CMTM4: variants seen among roughly 807,000 people sequenced by gnomAD.
The protein encoded by CMTM4 is CKLF-like MARVEL transmembrane domain-containing protein 4.
CMTM4 carries 8 observed loss-of-function variants against 19.0 expected under a neutral mutation model. The ratio of observed to expected loss-of-function variants is 0.42; its 90% CI spans 0.25 to 0.76. The LOEUF is 0.76. CMTM4 is among the 30% of genes least tolerant of loss of function. The pLI, the probability that CMTM4 is intolerant of heterozygous loss-of-function variation, is 0.27. For missense variants in CMTM4, 228 were observed against 290.2 expected (o/e 0.79, Z 1.56); for synonymous variants, 106 against 121.1 (o/e 0.88, Z 0.82).
chr16:66,600,554 G>C, the CMTM4 span, among the ~76,000 whole-genome samples: 1 of 151,990 alleles, frequency 6.6e-6, no homozygotes, highest in Admixed American at 6.6e-5. Context: ...CCAGGTTCTG[G>C]TCCTCCCAGT....
chr16:66,606,748 T>A, the CMTM4 span, among the ~76,000 whole-genome samples: 1 of 152,112 alleles, frequency 6.6e-6, no homozygotes, highest in African/African-American at 2.4e-5. Context: ...ATCCCAACAC[T>A]TTAGGAGGCC....
At chr16:66,659,285 G>C (rs1010831095) in intron 1 of CMTM4, among the ~76,000 whole-genome samples, 21 of 151,754 alleles carry the variant, frequency 1.4e-4, no homozygotes, top group African/African-American at 4.6e-4. Flanking sequence ...TGAGGCACAA[G>C]AATCACTTGA....
Position 66,627,127 on chromosome 16 carries a change from T to C in CMTM4, c.364-3625A>G, listed in dbSNP as rs762909905. 8.0e-4 allele frequency among the ~76,000 whole-genome samples: 122 copies of C among 152,076 alleles called. 1 individual carries two copies. Among genetic ancestry groups the C allele is most frequent in the Non-Finnish European group, 1.6e-4 (11 of 67,966 alleles). On this transcript the variant is annotated intron_variant, in intron 2 of 3. Coordinates refer to ENST00000394106, the MANE Select transcript of CMTM4 (RefSeq NM_181521.3). ...CAAAAAAATAAATAAATAAATGATATAAGGCAAAAAGGTCTAAGTATAAGG... is the reference window on the plus strand; with the variant it reads ...CAAAAAAATAAATAAATAAATGATACAAGGCAAAAAGGTCTAAGTATAAGG...
At chr16:66,690,882 G>A (rs1046335524) in intron 1 of CMTM4, among the ~76,000 whole-genome samples, 1 of 152,060 alleles carries the variant, frequency 6.6e-6, no homozygotes, top group Non-Finnish European at 1.5e-5. Flanking sequence ...CAAAACAGCA[G>A]GATTGCTTGA....
At chr16:66,647,516 T>C (rs1207766758) in intron 1 of CMTM4, among the ~76,000 whole-genome samples, 5 of 152,022 alleles carry the variant, frequency 3.3e-5, no homozygotes, top group Non-Finnish European at 5.9e-5. Context: ...GAGCATTGCT[T>C]CTGATACACC....
At chr16:66,642,332 T>G (rs1227990784) in intron 1 of CMTM4, among the ~76,000 whole-genome samples, 2 of 152,366 alleles carry the variant, frequency 1.3e-5, no homozygotes, top group Middle Eastern at 3.4e-3. Flanking sequence ...CTTTTTTGTT[T>G]ACTAATCATG....
Position 66,615,110 on chromosome 16 carries a change from G to C in CMTM4, c.*6948C>G, listed in dbSNP as rs967047988. Reference sequence around the variant, plus strand: ...ACATAAACCTAAGTTTGCCCAACGGGCATCGCCTCAGAAAGCCCACAGTTG... The same window carrying C: ...ACATAAACCTAAGTTTGCCCAACGGCCATCGCCTCAGAAAGCCCACAGTTG... On this transcript the variant is annotated 3_prime_UTR_variant, in exon 4 of 4. Transcript: ENST00000394106. This position sits in a 1 kb window ranked among gnomAD's most constrained non-coding sequence, Gnocchi z 4.9. 1 of 152,228 alleles carries C rather than the reference G, an allele frequency of 6.6e-6. No homozygotes were observed. Among genetic ancestry groups the C allele is most frequent in the African/African-American group, 2.4e-5 (1 of 41,448 alleles). The allele number at this position is 152,228 out of a possible 1,614,324, so 9.4% of individuals were successfully genotyped here.
At chr16:66,630,661 G>C (rs1172088118) in intron 2 of CMTM4, among the ~76,000 whole-genome samples, 1 of 152,086 alleles carries the variant, frequency 6.6e-6, no homozygotes, top group Non-Finnish European at 1.5e-5. Context: ...CCAGGCTGGA[G>C]TGCAGTGGCG....
rs561498442 is a variant in CMTM4 at position 66,671,982 on chromosome 16, C to A, written c.186+24358G>T. The stretch of plus-strand genomic sequence containing the variant: ...GGTCGAGGATGTGGTGAGCCATGAT[C>A]ATGACTGCACTCCAGCCTGGGCAAC... On this transcript the variant is annotated intron_variant, in intron 1 of 3. Transcript: ENST00000394106. 3.3e-5 allele frequency among the ~76,000 whole-genome samples: 5 copies of A among 152,054 alleles called. No individual in the cohort carries two copies. In the South Asian group the frequency reaches 6.2e-4, roughly 19 times the overall value.
the CMTM4 span, among the ~76,000 whole-genome samples, chr16:66,599,895 T>C: frequency 1.3e-5 from 2 of 152,182 alleles, no homozygotes; most frequent in Non-Finnish European, 2.9e-5. Flanking sequence ...CAGCTGGTAG[T>C]GCCCCCTTTT....
intron 1 of CMTM4, among the ~76,000 whole-genome samples, chr16:66,689,416 TTTG>T (rs2017096303): frequency 6.6e-6 from 1 of 152,158 alleles, no homozygotes; most frequent in Admixed American, 6.6e-5. Flanking sequence ...GGCTTTGGGT[TTTG>T]TTTTGTTTTT....
chr16:66,686,546 C>CAAAA (rs35913878), intron 1 of CMTM4, among the ~76,000 whole-genome samples: 4 of 87,170 alleles, frequency 4.6e-5, no homozygotes, highest in Middle Eastern at 5.7e-3. Flanking sequence ...GACTCTGTCT[C>CAAAA]AAAAAAAAAA....
At chr16:66,651,855 T>A (rs2016316935) in intron 1 of CMTM4, among the ~76,000 whole-genome samples, 1 of 152,186 alleles carries the variant, frequency 6.6e-6, no homozygotes, top group Non-Finnish European at 1.5e-5. Context: ...TCCTCTCCCT[T>A]AAGACAATCG....
In CMTM4 at chr16:66,615,249, G is replaced by T. The variant is rs530643287; in HGVS notation, c.*6809C>A. 1 of 152,324 alleles carries T rather than the reference G, an allele frequency of 6.6e-6. No individual in the cohort carries two copies. Among genetic ancestry groups the T allele is most frequent in the South Asian group, 2.1e-4 (1 of 4,826 alleles). The allele number at this position is 152,324 out of a possible 1,614,324, so 9.4% of individuals were successfully genotyped here. A position where few individuals can be genotyped will look rare whatever the true frequency, so the allele number is the denominator to read the frequency against. On this transcript the variant is annotated 3_prime_UTR_variant, in exon 4 of 4. Coordinates refer to ENST00000394106, the MANE Select transcript of CMTM4 (RefSeq NM_181521.3). This position sits in a 1 kb window ranked among gnomAD's most constrained non-coding sequence, Gnocchi z 4.9. The stretch of plus-strand genomic sequence containing the variant: ...TACCACGGAGAAATCATATTGGAAA[G>T]TTACTACTTAGCCATCTGACTTGAC...
chr16:66,618,666 G>A lies in CMTM4; in HGVS notation c.*3392C>T. 3 of 985,502 alleles carry A rather than the reference G, an allele frequency of 3.0e-6. No homozygotes were observed. The highest frequency in any genetic ancestry group is 3.6e-6 in the Non-Finnish European group (3 of 829,960). 61.0% of individuals were successfully genotyped at this position (985,502 alleles called of 1,614,324 possible). A position where few individuals can be genotyped will look rare whatever the true frequency, so the allele number is the denominator to read the frequency against. Reference sequence around the variant, plus strand: ...GAGTGCACAAAGGTGTTGGAGCTTGGTCTCCTCAGGCTTAACCCAAGGCTG... The same window carrying A: ...GAGTGCACAAAGGTGTTGGAGCTTGATCTCCTCAGGCTTAACCCAAGGCTG... On this transcript the variant is annotated 3_prime_UTR_variant, in exon 4 of 4. Transcript: ENST00000394106.
At chr16:66,649,866 C>T (rs562221462) in intron 1 of CMTM4, among the ~76,000 whole-genome samples, 6 of 151,960 alleles carry the variant, frequency 3.9e-5, no homozygotes, top group Admixed American at 1.3e-4. Flanking sequence ...AGAAAGGCCA[C>T]GCCCCAGGCA....
At chr16:66,679,823 C>CA (rs748044272) in intron 1 of CMTM4, among the ~76,000 whole-genome samples, 795 of 63,806 alleles carry the variant, frequency 0.012, 2 homozygotes, top group Middle Eastern at 0.016. Context: ...GACTCTATGT[C>CA]AAAAAAAAAA....
downstream of CMTM4, among the ~76,000 whole-genome samples, chr16:66,610,647 G>A (rs2015341798): frequency 6.6e-6 from 1 of 152,136 alleles, no homozygotes; most frequent in Admixed American, 6.5e-5. This position sits in a 1 kb window ranked among gnomAD's most constrained non-coding sequence, Gnocchi z 4.6. Flanking sequence ...AGGGAAGAAG[G>A]CTGAGAGCAG....
Position 66,618,297 on chromosome 16 carries a change from A to T in CMTM4, c.*3761T>A, listed in dbSNP as rs1232389630. 1 of 985,330 alleles carries T rather than the reference A, an allele frequency of 1.0e-6. No homozygotes were observed. The highest frequency in any genetic ancestry group is 1.7e-5 in the African/African-American group (1 of 57,238). 61.0% of individuals were successfully genotyped at this position (985,330 alleles called of 1,614,324 possible). Reference sequence around the variant, plus strand: ...ACGTCATTATTACTCTGTAAACAAGATCTGGAGAAGATGACAGTCAGGCAG... The same window carrying T: ...ACGTCATTATTACTCTGTAAACAAGTTCTGGAGAAGATGACAGTCAGGCAG... On this transcript the variant is annotated 3_prime_UTR_variant, in exon 4 of 4. Coordinates refer to ENST00000394106, the MANE Select transcript of CMTM4 (RefSeq NM_181521.3).
Sources: allele counts gnomAD v4.1 joint callset (sites outside exome capture counted in the v4.1 genomes callset), GRCh38; gene constraint gnomAD v4.1.1; non-coding constraint Gnocchi (gnomAD v3.1); transcripts MANE v1.5; gene names NCBI Gene and HGNC (gene_info 2026-07-23, HGNC 2026-07-21).